The following CHTF18 variants were observed in gnomAD, a reference collection of about 807,000 sequenced individuals.
CHTF18 encodes chromosome transmission fidelity protein 18 homolog.
Under a neutral mutation model 113.4 loss-of-function variants are expected in CHTF18, and 151 were observed. The ratio of observed to expected loss-of-function variants is 1.33; its 90% CI spans 1.17 to 1.52. CHTF18 has a LOEUF of 1.52. CHTF18 is among the 40% of genes most tolerant of loss of function. CHTF18 has a pLI of 0.00. For synonymous variants in CHTF18, 916 were observed against 598.8 expected (o/e 1.53, Z -7.74); for missense variants, 1,982 against 1,381.6 (o/e 1.43, Z -6.89).
At position 788,733 on chromosome 16, in the gene CHTF18, A is replaced by T. The variant is rs756198308; in HGVS notation, c.49A>T (p.Asn17Tyr). Residue 17 changes from asparagine (N) to tyrosine (Y), a missense_variant, in exon 1 of 22, where the codon AAC (asparagine) becomes TAC (tyrosine). Transcript: ENST00000262315. ...ELCGVEDDFHNQFAAELEVLA... is the reference protein window; with the variant it reads ...ELCGVEDDFHYQFAAELEVLA... ...GTGCGGCGTCGAGGATGATTTCCAC[A>T]ACCAGTTCGCGGCCGAGCTGGAGGT... is the stretch of plus-strand genomic sequence containing the variant. 6.9e-6 allele frequency: 11 copies of T among 1,603,084 alleles called. No homozygotes were observed. In the African/African-American group the frequency reaches 1.5e-4, roughly 22 times the overall value.
chr16:795,035 G>A (rs2042298410), intron 15 of CHTF18, 97 bp from the exon 16 acceptor site: 1 of 995,420 alleles, frequency 1.0e-6, no homozygotes, highest in Admixed American at 2.3e-5. Context: ...GCAGGCGGCA[G>A]GCAGGAGTGG....
At position 795,126 on chromosome 16, in the gene CHTF18, C is replaced by T. The variant is rs746045134; in HGVS notation, c.1951-6C>T. 9.1e-6 allele frequency: 14 copies of T among 1,542,594 alleles called. No homozygotes were observed. Among genetic ancestry groups the T allele is most frequent in the South Asian group, 8.4e-5 (7 of 83,584 alleles). Reference sequence around the variant, plus strand: ...CAGGAGCTCAGGGGTTGCCGGCCGCCTGCAGGGCTTGTTTGACAACTTCCT... The same window carrying T: ...CAGGAGCTCAGGGGTTGCCGGCCGCTTGCAGGGCTTGTTTGACAACTTCCT... On this transcript the variant is annotated splice_region_variant and splice_polypyrimidine_tract_variant and intron_variant, in intron 15 of 21. Transcript: ENST00000262315.
rs1296269832 is a variant in CHTF18, at chr16:790,214, A to G, written c.644A>G (p.Gln215Arg). 6.2e-7 allele frequency: 1 copy of G among 1,605,650 alleles called. No individual in the cohort carries two copies. ...CACGTCCCATGGCGAGGCGGTGGCC[A>G]GCTGGACCTGCTGGGTGTGTCCTTA... ...LLHVPWRGGG[Q>R]LDLLGVSLAS... Residue 215 changes from glutamine to arginine, a missense_variant, in exon 5 of 22, where the codon CAG (glutamine) becomes CGG (arginine). Coordinates refer to ENST00000262315, the MANE Select transcript of CHTF18 (RefSeq NM_022092.3).
At position 790,194 on chromosome 16, in the gene CHTF18, C is replaced by G; in HGVS notation, c.624C>G (p.Val208=). 1 of 1,602,234 alleles carries G rather than the reference C, an allele frequency of 6.2e-7. No homozygotes were observed. The highest frequency in any genetic ancestry group is 2.3e-5 in the East Asian group (1 of 44,338). Residue 208 remains valine, a synonymous_variant, in exon 5 of 22, where the codon GTC becomes GTG. Transcript: ENST00000262315. ...APGVQGSLLH[V]PWRGGGQLDL... ...CCCCACAGGGCTCTCTCCTCCACGT[C>G]CCATGGCGAGGCGGTGGCCAGCTGG...
chr16:789,802 T>G (rs1025249184), intron 4 of CHTF18, 87 bp downstream of exon 4: 2 of 1,432,592 alleles, frequency 1.4e-6, no homozygotes, highest in Non-Finnish European at 9.3e-7. Flanking sequence ...TGCCATTTGC[T>G]TAAAGCGGGT....
chr16:793,236 G>T lies in CHTF18; in HGVS notation c.1764G>T (p.Ser588=). The T allele has an allele frequency of 6.2e-7, 1 of 1,608,506 alleles. No individual in the cohort carries two copies. The highest frequency in any genetic ancestry group is 1.7e-5 in the Admixed American group (1 of 59,708). ...GLKDQRRGLF[S]VWQEVFQLPR... is the part of the protein sequence containing the mutation. ...AGGACCAGCGCAGAGGGCTCTTCTCGGTGTGGCAGGAGGTCTTCCAGCTGC... is the reference window on the plus strand; with the variant it reads ...AGGACCAGCGCAGAGGGCTCTTCTCTGTGTGGCAGGAGGTCTTCCAGCTGC... Residue 588 remains serine, a synonymous_variant, in exon 14 of 22, where the codon TCG becomes TCT. Coordinates refer to ENST00000262315, the MANE Select transcript of CHTF18 (RefSeq NM_022092.3).
chr16:797,141 G>T, intron 20 of CHTF18, 49 bp downstream of exon 20: 1 of 1,471,152 alleles, frequency 6.8e-7, no homozygotes, highest in East Asian at 2.4e-5. Context: ...ATACCTTTGG[G>T]GGTGTGGCTA....
intron 3 of CHTF18, 45 bp downstream of exon 3, chr16:789,405 G>A (rs776027007): frequency 6.5e-7 from 1 of 1,541,284 alleles, no homozygotes; most frequent in Non-Finnish European, 8.7e-7. Flanking sequence ...TGTCCAGTGG[G>A]ACTCAGATGG....
rs375037887 is a variant in CHTF18, at chr16:793,280, C to T, written c.1802+6C>T. ...CAGCTGCCTCGAGCCCAGAGGTAGG[C>T]GGTGGCCACAGCCTCGGCCCAGATG... On this transcript the variant is annotated splice_donor_region_variant and intron_variant, in intron 14 of 21. Transcript: ENST00000262315. 1.9e-5 allele frequency: 31 copies of T among 1,605,508 alleles called. No homozygotes were observed. Among genetic ancestry groups the T allele is most frequent in the African/African-American group, 1.1e-4 (8 of 74,740 alleles).
intron 7 of CHTF18, chr16:790,892 A>G (rs2042178919): frequency 1.4e-6 from 2 of 1,431,952 alleles, no homozygotes; most frequent in South Asian, 3.0e-5. Flanking sequence ...ACCTGATCCA[A>G]GTCTCTGTTC....
In CHTF18 at chr16:792,429, C is replaced by T. The variant is rs1250336499; in HGVS notation, c.1327-10C>T. ...GCCTGGACTCACCGTGTCCTCTGAC[C>T]TCCCCCAAGGCCGCCATCAACGTCC... On this transcript the variant is annotated splice_polypyrimidine_tract_variant and intron_variant, in intron 10 of 21. Transcript: ENST00000262315. 20 of 1,560,134 alleles carry T rather than the reference C, an allele frequency of 1.3e-5. No individual in the cohort carries two copies. Among genetic ancestry groups the T allele is most frequent in the East Asian group, 2.4e-5 (1 of 41,596 alleles).
Position 795,795 on chromosome 16 carries a change from C to G in CHTF18, c.2286C>G (p.Leu762=), listed in dbSNP as rs373526968. The G allele has an allele frequency of 3.7e-6, 6 of 1,609,944 alleles. No individual in the cohort carries two copies. In the African/African-American group the frequency reaches 8.1e-5, roughly 22 times the overall value. ...ATPQALLLDA[L]CLLLDILAPK... is the part of the protein sequence containing the mutation. ...CCCAGGCCCTGCTCCTCGATGCCCT[C>G]TGCCTGCTCCTGGACATTCTTGCAC... The change falls in exon 17 of 22, where the codon CTC becomes CTG. Residue 762 remains leucine, a synonymous_variant. Coordinates refer to ENST00000262315, the MANE Select transcript of CHTF18 (RefSeq NM_022092.3).
rs201047675 is a variant in CHTF18 at position 792,255 on chromosome 16, C to T, written c.1234C>T (p.Arg412Cys). 2.7e-5 allele frequency: 43 copies of T among 1,565,072 alleles called. No individual in the cohort carries two copies. Among genetic ancestry groups the T allele is most frequent in the African/African-American group, 6.8e-5 (5 of 73,592 alleles). Residue 412 changes from arginine to cysteine, a missense_variant, in exon 10 of 22, where the codon CGC (arginine) becomes TGC (cysteine). By Grantham distance (180) the Arg-to-Cys change is radical. Coordinates refer to ENST00000262315, the MANE Select transcript of CHTF18 (RefSeq NM_022092.3). The part of the protein sequence containing the change: ...DDRSPEVFRT[R>C]IEAATQMESV... ...CCGTAGCCCGGAGGTCTTCCGCACA[C>T]GCATCGAGGCGGCCACCCAGATGGA...
chr16:795,849 C>A lies in CHTF18; in HGVS notation c.2325+15C>A. 1 of 1,607,692 alleles carries A rather than the reference C, an allele frequency of 6.2e-7. No homozygotes were observed. The highest frequency in any genetic ancestry group is 8.5e-7 in the Non-Finnish European group (1 of 1,177,506). On this transcript the variant is annotated intron_variant, in intron 17 of 21. Transcript: ENST00000262315. Reference sequence around the variant, plus strand: ...AGCTCCGCCCCGTGAGTGCCGTCCCCGGGGTGGGGGATTCCCCGCCTGCTG... The same window carrying A: ...AGCTCCGCCCCGTGAGTGCCGTCCCAGGGGTGGGGGATTCCCCGCCTGCTG...
Position 796,059 on chromosome 16 carries a change from A to G in CHTF18, c.2438A>G (p.Tyr813Cys). ...CAGGAGCGCACGCCCGATGGCCAGT[A>G]CATCTACAGGCTGGAGCCGTGAGTC... is the stretch of plus-strand genomic sequence containing the variant. ...YRQERTPDGQ[Y>C]IYRLEPNVEE... Residue 813 changes from tyrosine to cysteine, a missense_variant, in exon 18 of 22, where the codon TAC becomes TGC. Tyr to Cys is a radical substitution (Grantham distance 194). Coordinates refer to ENST00000262315, the MANE Select transcript of CHTF18 (RefSeq NM_022092.3). The G allele has an allele frequency of 6.2e-7, 1 of 1,604,298 alleles. No individual in the cohort carries two copies. The highest frequency in any genetic ancestry group is 1.1e-5 in the South Asian group (1 of 89,236).
chr16:794,856 C>T (rs987312162), intron 15 of CHTF18: 5 of 485,710 alleles, frequency 1.0e-5, no homozygotes, highest in East Asian at 3.8e-5. Context: ...TGGGTCACCC[C>T]CTCGTGTCAG....
rs752242375 is a variant in CHTF18, at chr16:791,886, G to C, written c.1140G>C (p.Lys380Asn). The change falls in exon 9 of 22, where the codon AAG becomes AAC. Residue 380 changes from lysine to asparagine, a missense_variant. Physicochemically the swap from Lys to Asn is moderately conservative, Grantham distance 94 (BLOSUM62 0). Transcript: ENST00000262315. The part of the protein sequence containing the change: ...ALLCGPPGLG[K>N]TTLAHVIARH... ...TCTGTGGGCCCCCGGGGCTGGGGAA[G>C]ACCACCCTGGCACACGTGATTGCGC... 1 of 1,609,316 alleles carries C rather than the reference G, an allele frequency of 6.2e-7. No individual in the cohort carries two copies. The highest frequency in any genetic ancestry group is 2.2e-5 in the East Asian group (1 of 44,778).
intron 14 of CHTF18, chr16:793,684 C>G: frequency 1.7e-6 from 1 of 583,894 alleles, no homozygotes; most frequent in Non-Finnish European, 3.2e-6. Context: ...TCTGTCCTGA[C>G]GTGCCATGGG....
At chr16:792,203 C>A (rs1301371147) in intron 9 of CHTF18, 21 bp from the exon 10 acceptor site, 1 of 1,564,496 alleles carries the variant, frequency 6.4e-7, no homozygotes, top group Non-Finnish European at 8.7e-7. Flanking sequence ...GCCCTGACGA[C>A]CCCTGACCTC....
Sources: gnomAD v4.1 joint callset for allele counts on GRCh38, gnomAD v4.1.1 for gene constraint, MANE v1.5 for transcripts, NCBI Gene and HGNC (gene_info 2026-07-23, HGNC 2026-07-21) for gene names.